CCL28: variants seen among roughly 807,000 people sequenced by gnomAD.
The protein encoded by CCL28 is C-C motif chemokine ligand 28.
Under a neutral mutation model 7.1 loss-of-function variants are expected in CCL28, and 4 were observed. The observed-to-expected ratio is 0.56, with a 90% CI of 0.28 to 1.29. The LOEUF is 1.29. Among genes scored for constraint, CCL28 ranks in the 50% most tolerant of loss-of-function variants. The probability of loss-of-function intolerance (pLI) is 0.11; values close to 1 mark genes in which losing one functional copy is unlikely to be tolerated. For synonymous variants in CCL28, 55 were observed against 57.8 expected (o/e 0.95, Z 0.22); for missense variants, 151 against 163.4 (o/e 0.92, Z 0.41).
chr5:43,402,000 C>G (rs149253661), intron 1 of CCL28, among the ~76,000 whole-genome samples: 33 of 152,318 alleles, frequency 2.2e-4, no homozygotes, highest in African/African-American at 7.5e-4. Context: ...TGGCAACTAG[C>G]AGCACCCCTA....
At chr5:43,373,799 A>G (rs1197435618), downstream of CCL28, among the ~76,000 whole-genome samples, 2 of 152,216 alleles carry the variant, frequency 1.3e-5, no homozygotes, top group African/African-American at 4.8e-5. Flanking sequence ...TGCGTTTAGC[A>G]AAGTTGGTCT....
At chr5:43,357,142 G>T in the CCL28 span, among the ~76,000 whole-genome samples, 1 of 152,190 alleles carries the variant, frequency 6.6e-6, no homozygotes, top group Admixed American at 6.5e-5. Context: ...TTGCTACCCA[G>T]AGTGGAGGAT....
At chr5:43,386,005 GTT>G (rs1191064601) in intron 2 of CCL28, among the ~76,000 whole-genome samples, 2 of 151,706 alleles carry the variant, frequency 1.3e-5, no homozygotes, top group African/African-American at 4.9e-5. Context: ...AACTTCCTCT[GTT>G]TTTTTTCTCC....
At chr5:43,367,968 A>G in the CCL28 span, among the ~76,000 whole-genome samples, 43 of 152,310 alleles carry the variant, frequency 2.8e-4, no homozygotes, top group Non-Finnish European at 4.9e-4. Flanking sequence ...TAAGCAATAC[A>G]AATAAGGTAG....
chr5:43,386,562 T>A (rs999450180), intron 2 of CCL28, among the ~76,000 whole-genome samples: 2 of 152,216 alleles, frequency 1.3e-5, no homozygotes, highest in African/African-American at 4.8e-5. Context: ...CTCCCCTACA[T>A]CTGACCCTGA....
downstream of CCL28, among the ~76,000 whole-genome samples, chr5:43,371,681 A>C (rs757687251): frequency 1.3e-5 from 2 of 152,190 alleles, no homozygotes; most frequent in African/African-American, 4.8e-5. Context: ...CAACTTCATG[A>C]GAGAGCCTGA....
At chr5:43,375,415 G>A (rs1408518196), downstream of CCL28, among the ~76,000 whole-genome samples, 6 of 131,888 alleles carry the variant, frequency 4.5e-5, no homozygotes, top group Non-Finnish European at 7.8e-5. Context: ...ACCAATCCAG[G>A]GTAGCCAGAA....
the CCL28 span, among the ~76,000 whole-genome samples, chr5:43,365,735 T>A: frequency 2.0e-5 from 3 of 152,246 alleles, no homozygotes; most frequent in Admixed American, 6.5e-5. Flanking sequence ...TTCTCCTGGA[T>A]AATATCCTGA....
At chr5:43,399,509 T>C in intron 1 of CCL28, among the ~76,000 whole-genome samples, 1 of 152,232 alleles carries the variant, frequency 6.6e-6, no homozygotes, top group East Asian at 1.9e-4. Context: ...CCCCACCACA[T>C]AGCACATTGT....
rs1740025077 is a variant in CCL28 at position 43,379,682 on chromosome 5, G to A, written c.*2178C>T. The A allele has an allele frequency of 6.6e-6, 1 of 152,222 alleles. No homozygotes were observed. The highest frequency in any genetic ancestry group is 6.5e-5 in the Admixed American group (1 of 15,276). The allele number at this position is 152,222 out of a possible 1,614,324, so 9.4% of individuals were successfully genotyped here. ...ACCACCGCTTGGGACTAGCCAGCAG[G>A]GAGGCCCAGGACACCTGCCACCTGA... On this transcript the variant is annotated 3_prime_UTR_variant, in exon 3 of 3. Coordinates refer to ENST00000361115, the MANE Select transcript of CCL28 (RefSeq NM_148672.3).
chr5:43,394,266 T>C (rs151236608), intron 1 of CCL28, among the ~76,000 whole-genome samples: 128 of 152,332 alleles, frequency 8.4e-4, no homozygotes, highest in African/African-American at 2.6e-3. Flanking sequence ...ACAATAAGTC[T>C]TCCCACTCAA....
the CCL28 span, among the ~76,000 whole-genome samples, chr5:43,365,050 G>A: frequency 1.6e-4 from 24 of 148,530 alleles, no homozygotes; most frequent in Non-Finnish European, 2.5e-4. Flanking sequence ...CTGTCACCAG[G>A]CTGGAGTACA....
intron 1 of CCL28, among the ~76,000 whole-genome samples, chr5:43,395,376 G>C (rs1740755678): frequency 6.6e-6 from 1 of 152,052 alleles, no homozygotes; most frequent in South Asian, 2.1e-4. Context: ...CCTGTGCAAA[G>C]TAATAGTTTA....
At chr5:43,376,895 G>C, downstream of CCL28, 1 of 152,232 alleles carries the variant, frequency 6.6e-6, no homozygotes, top group East Asian at 1.9e-4. Flanking sequence ...GGACCTGAAA[G>C]AATGTCTCGA....
the CCL28 span, among the ~76,000 whole-genome samples, chr5:43,360,505 C>A: frequency 5.0e-3 from 768 of 152,132 alleles, 8 homozygotes; most frequent in African/African-American, 0.018. Flanking sequence ...CCCACTTATA[C>A]GTGAGAACAT....
chr5:43,381,950 A>G lies in CCL28; in HGVS notation c.294T>C (p.Val98=), dbSNP rs757704729. Reference sequence around the variant, plus strand: ...TGCCATGGTGTTTCTTCCTGTGGCAAACATTTCCTTTACCATTTTTCTTGG... The same window carrying G: ...TGCCATGGTGTTTCTTCCTGTGGCAGACATTTCCTTTACCATTTTTCTTGG... ...QAAKKNGKGN[V]CHRKKHHGKR... is the part of the protein sequence containing the mutation. Residue 98 remains valine, a synonymous_variant, in exon 3 of 3, where the codon GTT becomes GTC. Coordinates refer to ENST00000361115, the MANE Select transcript of CCL28 (RefSeq NM_148672.3). 1.4e-5 allele frequency: 23 copies of G among 1,614,148 alleles called. No homozygotes were observed. The highest frequency in any genetic ancestry group is 1.7e-4 in the Middle Eastern group (1 of 6,058).
chr5:43,375,125 G>T (rs560546386), downstream of CCL28, among the ~76,000 whole-genome samples: 13 of 151,850 alleles, frequency 8.6e-5, no homozygotes, highest in South Asian at 2.7e-3. Flanking sequence ...GAGTAGCTGG[G>T]ATTACAGGTG....
chr5:43,370,813 C>G, the CCL28 span, among the ~76,000 whole-genome samples: 4 of 150,462 alleles, frequency 2.7e-5, no homozygotes, highest in Admixed American at 2.6e-4. Flanking sequence ...GTGACCTCGG[C>G]TCACTGCAAC....
At chr5:43,389,173 A>G (rs1740464742) in intron 1 of CCL28, among the ~76,000 whole-genome samples, 1 of 152,220 alleles carries the variant, frequency 6.6e-6, no homozygotes, top group Non-Finnish European at 1.5e-5. Context: ...GTGAACAGGT[A>G]CAAGATCTCT....
Sources: allele counts gnomAD v4.1 joint callset (sites outside exome capture counted in the v4.1 genomes callset), GRCh38; gene constraint gnomAD v4.1.1; transcripts MANE v1.5; gene names NCBI Gene and HGNC (gene_info 2026-07-23, HGNC 2026-07-21).